COL5A1: variants seen among roughly 807,000 people sequenced by gnomAD.
COL5A1 encodes collagen type V alpha 1 chain, also known as collagen alpha-1(V) chain.
In COL5A1, 16 loss-of-function variants were observed where a neutral mutation model predicts 263.7. The ratio of observed to expected loss-of-function variants is 0.06; its 90% CI spans 0.04 to 0.09. The LOEUF (loss-of-function observed/expected upper bound fraction) is 0.09. COL5A1 is among the 10% of genes least tolerant of loss of function. The probability of loss-of-function intolerance (pLI) is 1.00; values close to 1 mark genes in which losing one functional copy is unlikely to be tolerated. For missense variants in COL5A1, 2,036 were observed against 2,540.5 expected (o/e 0.80, Z 4.27); for synonymous variants, 1,012 against 1,004.5 (o/e 1.01, Z -0.14).
chr9:134,754,598 C>T lies in COL5A1; in HGVS notation c.1827+272C>T, dbSNP rs1396269038. On this transcript the variant is annotated intron_variant, in intron 16 of 65. Coordinates refer to ENST00000371817, the MANE Select transcript of COL5A1 (RefSeq NM_000093.5). This position sits in a 1 kb window ranked among gnomAD's most constrained non-coding sequence, Gnocchi z 4.3. ...AACCTTTCTAATTCAAGAAACTTCC[C>T]AGGCCCTTTGGGAGCAAATGTTAAG... is the stretch of plus-strand genomic sequence containing the variant. Among the ~76,000 whole-genome samples the T allele has an allele frequency of 6.6e-6, 1 of 152,232 alleles. No homozygotes were observed. Among genetic ancestry groups the T allele is most frequent in the Non-Finnish European group, 1.5e-5 (1 of 68,046 alleles).
intron 4 of COL5A1, among the ~76,000 whole-genome samples, chr9:134,706,662 C>T (rs2132585596): frequency 6.6e-6 from 1 of 152,308 alleles, no homozygotes; most frequent in African/African-American, 2.4e-5. Flanking sequence ...CACAACTGTC[C>T]CCAGCCTGGA....
chr9:134,691,597 G>A (rs1403241509), intron 2 of COL5A1: 3 of 166,260 alleles, frequency 1.8e-5, no homozygotes, highest in East Asian at 3.3e-4. Flanking sequence ...TTACATGCCC[G>A]GAGCGGGAAG....
intron 6 of COL5A1, among the ~76,000 whole-genome samples, chr9:134,729,329 G>GGACCCC (rs1410691460): frequency 2.0e-5 from 3 of 152,154 alleles, no homozygotes; most frequent in African/African-American, 7.2e-5. Context: ...AGCAGGGCCC[G>GGACCCC]GGCCCCGTGC....
At chr9:134,777,255 C>T (rs551963651) in intron 27 of COL5A1, among the ~76,000 whole-genome samples, 4 of 152,354 alleles carry the variant, frequency 2.6e-5, no homozygotes, top group South Asian at 4.1e-4. Flanking sequence ...AGGCCTTGGG[C>T]GAAAGCCTGT....
rs7849016 is a variant in COL5A1 at position 134,813,933 on chromosome 9, G to A, written c.3853-50G>A. ...CAAATGCTTGAAACCGTAGCACTGC[G>A]TTCATCGCGGTGCTCACCGCTGCCA... is the stretch of plus-strand genomic sequence containing the variant. On this transcript the variant is annotated intron_variant, in intron 48 of 65. Transcript: ENST00000371817. 2.5e-3 allele frequency: 3,899 copies of A among 1,543,314 alleles called. 18 individuals carry two copies. The highest frequency in any genetic ancestry group is 0.017 in the African/African-American group (1,255 of 72,990).
At chr9:134,717,694 C>T (rs1395825428) in intron 4 of COL5A1, among the ~76,000 whole-genome samples, 1 of 152,150 alleles carries the variant, frequency 6.6e-6, no homozygotes, top group African/African-American at 2.4e-5. Context: ...GCTTGCCGAC[C>T]GCTTCTCCCA....
In COL5A1 at chr9:134,642,221, G is replaced by A. The variant is rs1160540030; in HGVS notation, c.34G>A (p.Ala12Thr). ...CCATACCCGCTGGAAAGCGCGCAGC[G>A]CGCTCCGCCCGGGCGCCCCGCTGCT... ...DVHTRWKARS[A>T]LRPGAPLLPP... The change falls in exon 1 of 66, where the codon GCG becomes ACG. Residue 12 changes from alanine to threonine, a missense_variant. Around this residue, in one of 3 missense-constraint regions of COL5A1, gnomAD observed 600 missense variants for 634.5 expected, o/e 0.95. Coordinates refer to ENST00000371817, the MANE Select transcript of COL5A1 (RefSeq NM_000093.5). The surrounding 1 kb of genome is among the most constrained non-coding windows in gnomAD (Gnocchi z 4.5). The A allele has an allele frequency of 3.1e-5, 40 of 1,300,610 alleles. 1 individual carries two copies. The Admixed American group carries it at 1.2e-3, about 39-fold the overall frequency. 80.6% of individuals were successfully genotyped at this position (1,300,610 alleles called of 1,614,324 possible).
rs762033469 is a variant in COL5A1 at position 134,830,191 on chromosome 9, C to T, written c.5136+147C>T. The T allele has an allele frequency of 2.2e-5, 35 of 1,602,994 alleles. No homozygotes were observed. The highest frequency in any genetic ancestry group is 4.5e-5 in the East Asian group (2 of 44,326). On this transcript the variant is annotated intron_variant, in intron 64 of 65. Transcript: ENST00000371817. Reference sequence around the variant, plus strand: ...GGGGGTCCCTGGTAAGTGGCCACCTCGGCCCGGCCACCTCGGCACTGCCTG... The same window carrying T: ...GGGGGTCCCTGGTAAGTGGCCACCTTGGCCCGGCCACCTCGGCACTGCCTG...
intron 4 of COL5A1, among the ~76,000 whole-genome samples, chr9:134,705,474 C>CA (rs1833808516): frequency 6.6e-6 from 1 of 152,236 alleles, no homozygotes; most frequent in South Asian, 2.1e-4. Flanking sequence ...CTCACAGAGC[C>CA]ACGTACGGAG....
chr9:134,675,499 A>G (rs1244767171), intron 1 of COL5A1, among the ~76,000 whole-genome samples: 1 of 152,174 alleles, frequency 6.6e-6, no homozygotes, highest in African/African-American at 2.4e-5. Context: ...TGTTGTACAC[A>G]TCTTGTTGTT....
intron 1 of COL5A1, among the ~76,000 whole-genome samples, chr9:134,654,241 G>T (rs1429684522): frequency 3.4e-5 from 5 of 145,632 alleles, no homozygotes; most frequent in African/African-American, 1.0e-4. Flanking sequence ...AGGTGTGTAG[G>T]GCTGGGGGTG....
chr9:134,829,448 C>T (rs1163198926), intron 63 of COL5A1, among the ~76,000 whole-genome samples: 1 of 151,166 alleles, frequency 6.6e-6, no homozygotes, highest in East Asian at 2.0e-4. Context: ...CCAGGCTCAT[C>T]CTCACGCGGC....
In COL5A1 at chr9:134,689,674, C is replaced by G. The variant is rs78810011; in HGVS notation, c.110-1238C>G. On this transcript the variant is annotated intron_variant, in intron 1 of 65. Transcript: ENST00000371817. ...GAAAAAAGCCCCAGGACGGAGCTTCCTTATCCTGGCTGGTCTCACGTCCAT... is the reference window on the plus strand; with the variant it reads ...GAAAAAAGCCCCAGGACGGAGCTTCGTTATCCTGGCTGGTCTCACGTCCAT... Among the ~76,000 whole-genome samples, 13 of 152,282 alleles carry G rather than the reference C, an allele frequency of 8.5e-5. No homozygotes were observed. In the East Asian group the frequency reaches 2.5e-3, roughly 29 times the overall value.
At chr9:134,761,348 C>T (rs976278951) in intron 18 of COL5A1, among the ~76,000 whole-genome samples, 45 of 152,184 alleles carry the variant, frequency 3.0e-4, no homozygotes, top group African/African-American at 9.6e-4. Flanking sequence ...TGATTGCTCC[C>T]GTAAGCATGC....
rs1167946002 is a variant in COL5A1, at chr9:134,794,318, T to C, written c.2701-764T>C. 8.1e-6 allele frequency among the ~76,000 whole-genome samples: 1 copy of C among 122,942 alleles called. No homozygotes were observed. Among genetic ancestry groups the C allele is most frequent in the African/African-American group, 3.1e-5 (1 of 32,382 alleles). The allele number at this position is 122,942 out of a possible 152,430, so 80.7% of individuals were successfully genotyped here. On this transcript the variant is annotated intron_variant, in intron 32 of 65. Transcript: ENST00000371817. The surrounding 1 kb of genome is among the most constrained non-coding windows in gnomAD (Gnocchi z 4.3). ...CCAGCCTGGCGGCAGAGCAAGACTC[T>C]GTCTAAAAAAAAAAAAAAAGAAACA...
chr9:134,786,327 G>A (rs973583171), intron 31 of COL5A1, among the ~76,000 whole-genome samples: 9 of 152,216 alleles, frequency 5.9e-5, no homozygotes, highest in Non-Finnish European at 2.9e-5. Context: ...CCATCCTTGG[G>A]GGCGTGTGTG....
intron 64 of COL5A1, among the ~76,000 whole-genome samples, chr9:134,830,976 C>G (rs937603706): frequency 6.6e-6 from 1 of 152,214 alleles, no homozygotes; most frequent in South Asian, 2.1e-4. Context: ...GAACACAAGA[C>G]GGGTTCCGGG....
At chr9:134,827,959 G>A (rs1165439950) in intron 63 of COL5A1, among the ~76,000 whole-genome samples, 4 of 152,212 alleles carry the variant, frequency 2.6e-5, no homozygotes, top group Non-Finnish European at 4.4e-5. Context: ...CTTTCCTCCA[G>A]GGGATCCCCT....
Position 134,757,244 on chromosome 9 carries a change from G to A in COL5A1, c.1881+426G>A, listed in dbSNP as rs555180121. Among the ~76,000 whole-genome samples the A allele has an allele frequency of 6.6e-5, 10 of 152,244 alleles. No homozygotes were observed. The East Asian group carries it at 1.9e-3, about 29-fold the overall frequency. On this transcript the variant is annotated intron_variant, in intron 17 of 65. Transcript: ENST00000371817. The surrounding 1 kb of genome is among the most constrained non-coding windows in gnomAD (Gnocchi z 6.2). Reference sequence around the variant, plus strand: ...GCAGGGCTGTGTGTGTGGCATGAATGAGGCTGCACCAGGCATGCACCAGCT... The same window carrying A: ...GCAGGGCTGTGTGTGTGGCATGAATAAGGCTGCACCAGGCATGCACCAGCT...
Sources: gnomAD v4.1 joint callset for allele counts (sites outside exome capture counted in the v4.1 genomes callset) on GRCh38, gnomAD v4.1.1 for gene constraint, gnomAD v4.1.1 regional missense constraint, Gnocchi (gnomAD v3.1) non-coding constraint, MANE v1.5 for transcripts, NCBI Gene and HGNC (gene_info 2026-07-23, HGNC 2026-07-21) for gene names.